Variants in RPS6KA6 observed in about 807,000 individuals in gnomAD.
RPS6KA6 encodes ribosomal protein S6 kinase A6, also known as ribosomal protein S6 kinase alpha-6.
Under a neutral mutation model 65.4 loss-of-function variants are expected in RPS6KA6, and 27 were observed. The ratio of observed to expected loss-of-function variants is 0.41; its 90% CI spans 0.30 to 0.57. The LOEUF is 0.57. Ranked by LOEUF, RPS6KA6 falls within the 20% of genes least tolerant of loss-of-function variation. The pLI is 0.24. For missense variants in RPS6KA6, 486 were observed against 555.6 expected, an observed-to-expected ratio of 0.87 and a Z score of 1.26; for synonymous variants, 190 against 184.2, an observed-to-expected ratio of 1.03 and a Z score of -0.26.
chrX:84,151,180 C>CTATATAGGATATATAGAGATATAGA (rs2035315249), intron 3 of RPS6KA6, among the ~76,000 whole-genome samples: 1 of 89,168 alleles, frequency 1.1e-5, no homozygotes, highest in African/African-American at 4.3e-5. Flanking sequence ...ATATATATAG[C>CTATATAGGATATATAGAGATATAGA]TATATAGGAT....
In RPS6KA6 at chrX:84,059,895, T is replaced by C. The variant is rs1192257983; in HGVS notation, c.*4382A>G. The C allele has an allele frequency of 8.9e-6, 1 of 112,298 alleles. No homozygotes were observed. Among genetic ancestry groups the C allele is most frequent in the Non-Finnish European group, 1.9e-5 (1 of 53,252 alleles). The allele number at this position is 112,298 out of a possible 1,213,427, so 9.3% of individuals were successfully genotyped here. On this transcript the variant is annotated 3_prime_UTR_variant, in exon 22 of 22. Transcript: ENST00000262752. ...AAACATACATAATTTGCCAATATAATGTAAGCTTGGATTTCCATATTCTAA... is the reference window on the plus strand; with the variant it reads ...AAACATACATAATTTGCCAATATAACGTAAGCTTGGATTTCCATATTCTAA...
chrX:84,158,127 A>C (rs2035447525), intron 2 of RPS6KA6, among the ~76,000 whole-genome samples: 1 of 110,558 alleles, frequency 9.0e-6, no homozygotes, highest in Admixed American at 9.8e-5. Flanking sequence ...GCTTAGCACA[A>C]TACTTTTTTG....
At chrX:84,148,522 T>A (rs1036058783) in intron 3 of RPS6KA6, among the ~76,000 whole-genome samples, 2 of 111,117 alleles carry the variant, frequency 1.8e-5, no homozygotes, top group African/African-American at 6.5e-5. Context: ...TGCATATAAA[T>A]ACTACTATAG....
intron 8 of RPS6KA6, among the ~76,000 whole-genome samples, chrX:84,127,736 T>G (rs1370586462): frequency 9.1e-6 from 1 of 109,875 alleles, no homozygotes; most frequent in Non-Finnish European, 1.9e-5. Context: ...TTTCAACTGA[T>G]GTTGAAAAAG....
At chrX:84,167,582 T>A (rs993396794) in intron 1 of RPS6KA6, among the ~76,000 whole-genome samples, 2 of 111,787 alleles carry the variant, frequency 1.8e-5, no homozygotes, top group Admixed American at 9.5e-5. Context: ...AATAATATAC[T>A]GATACATTCA....
intron 8 of RPS6KA6, among the ~76,000 whole-genome samples, chrX:84,121,498 C>T (rs566107467): frequency 1.7e-3 from 194 of 112,290 alleles, no homozygotes; most frequent in South Asian, 3.3e-3. Context: ...ACTGATCAAA[C>T]ATTTTAAAGT....
At chrX:84,188,289 AC>A (rs907514835), upstream of RPS6KA6, among the ~76,000 whole-genome samples, 31 of 103,651 alleles carry the variant, frequency 3.0e-4, no homozygotes, top group Non-Finnish European at 3.7e-4. Context: ...CGGCGCCTGG[AC>A]CCCCCCACGG....
intron 8 of RPS6KA6, among the ~76,000 whole-genome samples, chrX:84,133,687 AGAG>A (rs2034943318): frequency 9.0e-6 from 1 of 111,704 alleles, no homozygotes; most frequent in Non-Finnish European, 1.9e-5. Flanking sequence ...AAAAATGAAA[AGAG>A]GAATTAATTT....
At chrX:84,087,404 C>T (rs756668066) in intron 20 of RPS6KA6, among the ~76,000 whole-genome samples, 7 of 111,231 alleles carry the variant, frequency 6.3e-5, no homozygotes, top group African/African-American at 1.6e-4. Context: ...ATTTCTCCTT[C>T]GCTTGTGAAG....
At chrX:84,127,656 T>G (rs537511703) in intron 8 of RPS6KA6, among the ~76,000 whole-genome samples, 3 of 110,831 alleles carry the variant, frequency 2.7e-5, no homozygotes, top group South Asian at 3.8e-4. Flanking sequence ...GCAAGGATGG[T>G]TCACCATATG....
At position 84,088,875 on chromosome X, in the gene RPS6KA6, G is replaced by T. The variant is rs778911742; in HGVS notation, c.1971+7319C>A. On this transcript the variant is annotated intron_variant, in intron 20 of 21. Transcript: ENST00000262752. Reference sequence around the variant, plus strand: ...CGCCCAGTGAACAGGGATAGATCAGGGTCCCAGTTATAGAAGCAGTATGGC... The same window carrying T: ...CGCCCAGTGAACAGGGATAGATCAGTGTCCCAGTTATAGAAGCAGTATGGC... 3.6e-5 allele frequency among the ~76,000 whole-genome samples: 4 copies of T among 112,140 alleles called. No individual in the cohort carries two copies. The Admixed American group carries it at 3.8e-4, about 11-fold the overall frequency.
At chrX:84,091,925 G>A (rs368142885) in intron 20 of RPS6KA6, among the ~76,000 whole-genome samples, 2 of 111,348 alleles carry the variant, frequency 1.8e-5, no homozygotes, top group Admixed American at 9.6e-5. Context: ...GCAAACTAAC[G>A]CAGGGACAGA....
chrX:84,129,359 G>A (rs1216016508), intron 8 of RPS6KA6, among the ~76,000 whole-genome samples: 1 of 111,163 alleles, frequency 9.0e-6, no homozygotes. Context: ...TGCTGCCAAG[G>A]ATGGAGAGAA....
At chrX:84,154,826 T>A in intron 3 of RPS6KA6, among the ~76,000 whole-genome samples, 1 of 111,985 alleles carries the variant, frequency 8.9e-6, no homozygotes. Context: ...TGAAAATGTT[T>A]CTTTATATTT....
chrX:84,070,392 C>T (rs2033515509), intron 20 of RPS6KA6, among the ~76,000 whole-genome samples: 1 of 109,586 alleles, frequency 9.1e-6, no homozygotes, highest in South Asian at 4.0e-4. Flanking sequence ...TGCGGCCTGT[C>T]GGGGGTTAGG....
At chrX:84,157,161 A>C (rs760192974) in intron 2 of RPS6KA6, among the ~76,000 whole-genome samples, 2 of 111,826 alleles carry the variant, frequency 1.8e-5, no homozygotes, top group Non-Finnish European at 3.8e-5. Context: ...GTCCCAAATG[A>C]GCTAGACTTC....
At chrX:84,104,408 A>G (rs2034315576) in intron 17 of RPS6KA6, 91 bp downstream of exon 17, 1 of 530,030 alleles carries the variant, frequency 1.9e-6, no homozygotes, top group South Asian at 8.0e-5. Flanking sequence ...ATATGTGAAT[A>G]AAAGCAACTT....
At chrX:84,177,015 G>C (rs771902502) in intron 1 of RPS6KA6, among the ~76,000 whole-genome samples, 1 of 110,717 alleles carries the variant, frequency 9.0e-6, no homozygotes, top group African/African-American at 3.3e-5. Flanking sequence ...AGTGAATAAA[G>C]AAAATATAAG....
chrX:84,137,453 C>G (rs1437778469), intron 6 of RPS6KA6, among the ~76,000 whole-genome samples: 1 of 111,265 alleles, frequency 9.0e-6, no homozygotes, highest in African/African-American at 3.3e-5. Flanking sequence ...ATCATTTTCT[C>G]AAAATGAATT....
Sources: gnomAD v4.1 joint callset for allele counts (sites outside exome capture counted in the v4.1 genomes callset) on GRCh38, gnomAD v4.1.1 for gene constraint, MANE v1.5 for transcripts, NCBI Gene and HGNC (gene_info 2026-07-23, HGNC 2026-07-21) for gene names.